Variants in FNDC3A observed in about 807,000 individuals in gnomAD.
The protein encoded by FNDC3A is fibronectin type-III domain-containing protein 3A.
In FNDC3A, 32 loss-of-function variants were observed where a neutral mutation model predicts 148.9. The observed-to-expected ratio is 0.21, with a 90% CI of 0.16 to 0.29. The LOEUF (loss-of-function observed/expected upper bound fraction) is 0.29, where lower values mean the gene tolerates loss of function less well. Among genes scored for constraint, FNDC3A ranks in the 10% least tolerant of loss-of-function variants. The probability of loss-of-function intolerance (pLI) is 1.00; values close to 1 mark genes in which losing one functional copy is unlikely to be tolerated. For synonymous variants in FNDC3A, 472 were observed against 473.6 expected (o/e 1.00, Z 0.04); for missense variants, 1,191 against 1,452.8 (o/e 0.82, Z 2.93).
chr13:49,135,858 T>C lies in FNDC3A; in HGVS notation c.491-474T>C, dbSNP rs917334723. Among the ~76,000 whole-genome samples, 4 of 152,350 alleles carry C rather than the reference T, an allele frequency of 2.6e-5. 1 individual carries two copies. The East Asian group carries it at 5.8e-4, about 22-fold the overall frequency. ...AACAGTCTAAATCATTTCTTTTGGC[T>C]AACTTTTTTTCAGTGATGATTGCTT... is the stretch of plus-strand genomic sequence containing the variant. On this transcript the variant is annotated intron_variant, in intron 5 of 25. Coordinates refer to ENST00000492622, the MANE Select transcript of FNDC3A (RefSeq NM_001079673.2).
chr13:49,110,017 G>A (rs1393172437), intron 3 of FNDC3A, among the ~76,000 whole-genome samples: 1 of 152,140 alleles, frequency 6.6e-6, no homozygotes. Flanking sequence ...GATAGCACCT[G>A]TGGTGTTATT....
intron 19 of FNDC3A, among the ~76,000 whole-genome samples, chr13:49,196,199 C>T (rs1050122051): frequency 2.0e-5 from 3 of 151,750 alleles, no homozygotes; most frequent in African/African-American, 7.3e-5. Flanking sequence ...TATAATGATG[C>T]GCCACTGTTA....
intron 8 of FNDC3A, among the ~76,000 whole-genome samples, chr13:49,162,167 G>T (rs1884174380): frequency 6.6e-6 from 1 of 152,120 alleles, no homozygotes; most frequent in Non-Finnish European, 1.5e-5. Context: ...TTGCTAGGTT[G>T]GGGAAGTTCT....
intron 2 of FNDC3A, among the ~76,000 whole-genome samples, chr13:49,021,698 A>C (rs965026360): frequency 1.3e-5 from 2 of 152,016 alleles, no homozygotes; most frequent in Non-Finnish European, 2.9e-5. Context: ...CTAGAGTTCC[A>C]AAAAAAATTA....
chr13:49,147,445 A>G (rs1883056221), intron 8 of FNDC3A, among the ~76,000 whole-genome samples: 1 of 151,976 alleles, frequency 6.6e-6, no homozygotes, highest in Non-Finnish European at 1.5e-5. Flanking sequence ...CTGGGAGGTA[A>G]GGGGTGGGGA....
chr13:49,027,870 A>G (rs1050453075), intron 2 of FNDC3A, among the ~76,000 whole-genome samples: 1 of 152,220 alleles, frequency 6.6e-6, no homozygotes, highest in African/African-American at 2.4e-5. Flanking sequence ...CATTAAGTGC[A>G]TTGCATCTAA....
intron 25 of FNDC3A, among the ~76,000 whole-genome samples, chr13:49,206,627 TATTC>T (rs1886659984): frequency 6.6e-6 from 1 of 152,220 alleles, no homozygotes; most frequent in South Asian, 2.1e-4. Flanking sequence ...AAGCTCCCCT[TATTC>T]ATTTTCCATT....
chr13:49,123,472 G>A (rs1418056814), intron 4 of FNDC3A, among the ~76,000 whole-genome samples: 1 of 152,002 alleles, frequency 6.6e-6, no homozygotes, highest in Non-Finnish European at 1.5e-5. Context: ...AAAAGCTATG[G>A]CAACAAAAGC....
At chr13:49,123,011 T>C (rs1341207103) in intron 4 of FNDC3A, among the ~76,000 whole-genome samples, 1 of 152,136 alleles carries the variant, frequency 6.6e-6, no homozygotes. Flanking sequence ...AAATTTCATA[T>C]GGAACCAAAA....
chr13:49,192,788 C>T (rs1377318198), intron 19 of FNDC3A, among the ~76,000 whole-genome samples: 2 of 152,130 alleles, frequency 1.3e-5, no homozygotes, highest in African/African-American at 4.8e-5. Context: ...TATTTACTTT[C>T]CGTATTTCCA....
rs181031586 is a variant in FNDC3A at position 49,107,413 on chromosome 13, A to G, written c.176-7242A>G. Among the ~76,000 whole-genome samples the G allele has an allele frequency of 4.9e-4, 74 of 152,306 alleles. 1 individual carries two copies. The highest frequency in any genetic ancestry group is 1.7e-3 in the African/African-American group (69 of 41,570). The stretch of plus-strand genomic sequence containing the variant: ...ATGCATGGTTTATGTGTGAAACTTT[A>G]CCATGTTTATGGGCACAGATGCAAT... On this transcript the variant is annotated intron_variant, in intron 3 of 25. Transcript: ENST00000492622.
intron 2 of FNDC3A, chr13:49,044,276 C>T (rs1875181822): frequency 5.3e-6 from 1 of 189,288 alleles, no homozygotes; most frequent in Admixed American, 5.2e-5. Context: ...TGCCTCCTCT[C>T]TGCTGTCAGA....
At chr13:49,178,407 T>C (rs149663120) in intron 13 of FNDC3A, among the ~76,000 whole-genome samples, 161 bp from the exon 14 acceptor site, 113 of 152,332 alleles carry the variant, frequency 7.4e-4, no homozygotes, top group Non-Finnish European at 1.4e-3. Flanking sequence ...GTCTACCCAC[T>C]GAAGACAGAA....
intron 1 of FNDC3A, among the ~76,000 whole-genome samples, chr13:48,993,561 A>T (rs968061283): frequency 6.6e-6 from 1 of 152,240 alleles, no homozygotes; most frequent in African/African-American, 2.4e-5. Flanking sequence ...AAAATTTTTA[A>T]TGAAGATGTG....
intron 1 of FNDC3A, among the ~76,000 whole-genome samples, chr13:49,003,762 C>CA (rs554476353): frequency 1.9e-3 from 287 of 150,600 alleles, no homozygotes; most frequent in Middle Eastern, 3.4e-3. Flanking sequence ...TTAGACCTAC[C>CA]AAAAAAAAAG....
At position 49,036,319 on chromosome 13, in the gene FNDC3A, A is replaced by C. The variant is rs149371198; in HGVS notation, c.99+30030A>C. On this transcript the variant is annotated intron_variant, in intron 2 of 25. Coordinates refer to ENST00000492622, the MANE Select transcript of FNDC3A (RefSeq NM_001079673.2). ...CTATTTAAACTACTAGAGTTAAATAAAATTACAGATTCAGTTTCTCATCCC... is the reference window on the plus strand; with the variant it reads ...CTATTTAAACTACTAGAGTTAAATACAATTACAGATTCAGTTTCTCATCCC... Among the ~76,000 whole-genome samples the C allele has an allele frequency of 8.7e-4, 133 of 152,312 alleles. 3 individuals carry two copies. In the East Asian group the frequency reaches 0.024, roughly 28 times the overall value.
At chr13:49,056,713 C>G (rs1876273419) in intron 2 of FNDC3A, among the ~76,000 whole-genome samples, 1 of 152,044 alleles carries the variant, frequency 6.6e-6, no homozygotes, top group African/African-American at 2.4e-5. Context: ...TGTTTTGTTT[C>G]TTTTAACTTC....
At chr13:49,194,088 C>T (rs1370760030) in intron 19 of FNDC3A, among the ~76,000 whole-genome samples, 2 of 152,046 alleles carry the variant, frequency 1.3e-5, no homozygotes, top group Admixed American at 6.6e-5. Context: ...TCGGGAAACC[C>T]CATATCTACT....
At chr13:49,068,099 CGA>C (rs1877386340) in intron 2 of FNDC3A, among the ~76,000 whole-genome samples, 1 of 151,680 alleles carries the variant, frequency 6.6e-6, no homozygotes, top group Non-Finnish European at 1.5e-5. Context: ...TTTGGGAGGC[CGA>C]GCTGGGCGGA....
Sources: allele counts gnomAD v4.1 joint callset (sites outside exome capture counted in the v4.1 genomes callset), GRCh38; gene constraint gnomAD v4.1.1; transcripts MANE v1.5; gene names NCBI Gene and HGNC (gene_info 2026-07-23, HGNC 2026-07-21).